Variants in MICU2 observed in about 807,000 individuals in gnomAD.
MICU2 encodes the protein mitochondrial calcium uptake 2, also known as calcium uptake protein 2, mitochondrial.
MICU2 carries 64 observed loss-of-function variants against 60.4 expected under a neutral mutation model. The ratio of observed to expected loss-of-function variants is 1.06; its 90% confidence interval spans 0.87 to 1.31. MICU2 has a LOEUF of 1.31. Among genes scored for constraint, MICU2 ranks in the 50% most tolerant of loss-of-function variants. MICU2 has a pLI of 0.00. For synonymous variants in MICU2, 201 were observed against 175.0 expected (o/e 1.15, Z -1.17); for missense variants, 569 against 531.0 (o/e 1.07, Z -0.70).
intron 7 of MICU2, among the ~76,000 whole-genome samples, chr13:21,510,340 C>T (rs1886396113): frequency 6.6e-6 from 1 of 152,120 alleles, no homozygotes; most frequent in African/African-American, 2.4e-5. Context: ...AGGTGGACTT[C>T]AGCATGAAAC....
chr13:21,555,549 C>G (rs1208970897), intron 2 of MICU2, among the ~76,000 whole-genome samples: 1 of 152,130 alleles, frequency 6.6e-6, no homozygotes, highest in East Asian at 1.9e-4. Context: ...CTATGACAAA[C>G]CCACAGCCAA....
chr13:21,549,105 A>C (rs1887486851), intron 2 of MICU2, among the ~76,000 whole-genome samples: 1 of 150,102 alleles, frequency 6.7e-6, no homozygotes, highest in Non-Finnish European at 1.5e-5. Flanking sequence ...TTTTTTTTGC[A>C]TTTTTAGTAG....
chr13:21,586,150 T>C (rs2138063603), intron 1 of MICU2, among the ~76,000 whole-genome samples: 1 of 152,306 alleles, frequency 6.6e-6, no homozygotes, highest in African/African-American at 2.4e-5. Context: ...TTTTGTAAAT[T>C]ATCCCCTCTC....
At chr13:21,521,944 AT>A (rs1201009573) in intron 5 of MICU2, among the ~76,000 whole-genome samples, 1 of 152,098 alleles carries the variant, frequency 6.6e-6, no homozygotes, top group African/African-American at 2.4e-5. Context: ...CACCTCGCAA[AT>A]TTTTAATTTT....
Position 21,500,166 on chromosome 13 carries a change from T to A in MICU2, c.933+2760A>T, listed in dbSNP as rs535835587. 2.6e-4 allele frequency among the ~76,000 whole-genome samples: 39 copies of A among 152,252 alleles called. No homozygotes were observed. The South Asian group carries it at 7.3e-3, about 28-fold the overall frequency. ...CTCTCAGCATCATGCCCATGGGGCT[T>A]GGGAGGCAAGGGGGAACTGACACAA... On this transcript the variant is annotated intron_variant, in intron 9 of 11. Transcript: ENST00000382374.
intron 4 of MICU2, among the ~76,000 whole-genome samples, chr13:21,528,038 C>T (rs1886898817): frequency 6.6e-6 from 1 of 152,158 alleles, no homozygotes; most frequent in South Asian, 2.1e-4. Flanking sequence ...ATATTTATAT[C>T]TTACAACATA....
chr13:21,508,950 T>C (rs1226587430), intron 8 of MICU2, among the ~76,000 whole-genome samples: 9 of 152,264 alleles, frequency 5.9e-5, no homozygotes, highest in Non-Finnish European at 1.0e-4. Context: ...TAAATGTTTT[T>C]CTGCATGTTT....
At chr13:21,538,949 T>C (rs1887206045) in intron 4 of MICU2, among the ~76,000 whole-genome samples, 1 of 152,126 alleles carries the variant, frequency 6.6e-6, no homozygotes, top group South Asian at 2.1e-4. Flanking sequence ...CTTTAACACT[T>C]TCTCTGCTTG....
chr13:21,530,986 T>C (rs1766060194), intron 4 of MICU2: 2 of 788,304 alleles, frequency 2.5e-6, no homozygotes, highest in Non-Finnish European at 4.6e-6. Flanking sequence ...CTGGAAATGA[T>C]TAAACTAGTA....
At chr13:21,554,559 A>G (rs1413853400) in intron 2 of MICU2, among the ~76,000 whole-genome samples, 1 of 152,214 alleles carries the variant, frequency 6.6e-6, no homozygotes, top group African/African-American at 2.4e-5. Flanking sequence ...TTATAGCACA[A>G]AATGCCCACA....
At chr13:21,500,457 GTC>G (rs1226988660) in intron 9 of MICU2, among the ~76,000 whole-genome samples, 1 of 128,932 alleles carries the variant, frequency 7.8e-6, no homozygotes, top group Non-Finnish European at 1.6e-5. Flanking sequence ...TTGAGACAGA[GTC>G]TCACTGTTGC....
intron 1 of MICU2, among the ~76,000 whole-genome samples, chr13:21,569,627 G>A (rs911951954): frequency 1.3e-5 from 2 of 151,398 alleles, no homozygotes; most frequent in African/African-American, 4.9e-5. Context: ...AGAATCAAGG[G>A]GGCAACTCTG....
At chr13:21,593,514 CAAA>C (rs1888628611) in intron 1 of MICU2, among the ~76,000 whole-genome samples, 1 of 88,256 alleles carries the variant, frequency 1.1e-5, no homozygotes, top group African/African-American at 4.4e-5. Flanking sequence ...AAAAAAAACA[CAAA>C]AACTATTTCA....
intron 1 of MICU2, among the ~76,000 whole-genome samples, chr13:21,585,054 C>A (rs1226363961): frequency 3.3e-5 from 5 of 152,206 alleles, no homozygotes; most frequent in Admixed American, 2.6e-4. Context: ...TATAGATTTA[C>A]AGTAGGATCG....
chr13:21,600,868 C>T (rs1888797766), intron 1 of MICU2, among the ~76,000 whole-genome samples: 3 of 152,162 alleles, frequency 2.0e-5, no homozygotes, highest in Admixed American at 1.3e-4. Flanking sequence ...AGGATCTCGG[C>T]TCCCTGCAAG....
chr13:21,582,523 A>G (rs1159100191), intron 1 of MICU2, among the ~76,000 whole-genome samples: 2 of 152,232 alleles, frequency 1.3e-5, no homozygotes, highest in Non-Finnish European at 2.9e-5. Context: ...ATAAATTATT[A>G]TTTTGTTAGA....
intron 8 of MICU2, among the ~76,000 whole-genome samples, chr13:21,504,078 A>G (rs1886240076): frequency 6.6e-6 from 1 of 152,132 alleles, no homozygotes. Context: ...TTGTTACTTA[A>G]AACATTTTCT....
chr13:21,575,540 C>T (rs890664272), intron 1 of MICU2, among the ~76,000 whole-genome samples: 5 of 151,232 alleles, frequency 3.3e-5, no homozygotes, highest in African/African-American at 4.8e-5. Flanking sequence ...CTGGGCAACA[C>T]GGCGAGACAT....
chr13:21,526,580 C>A (rs375318631), intron 4 of MICU2, among the ~76,000 whole-genome samples: 23 of 151,340 alleles, frequency 1.5e-4, no homozygotes, highest in East Asian at 1.4e-3. Flanking sequence ...TAGAGAGATA[C>A]GAATAGTAAG....
Sources: allele counts gnomAD v4.1 joint callset (sites outside exome capture counted in the v4.1 genomes callset), GRCh38; gene constraint gnomAD v4.1.1; transcripts MANE v1.5; gene names NCBI Gene and HGNC (gene_info 2026-07-23, HGNC 2026-07-21).